CRB1: variants seen among roughly 807,000 people sequenced by gnomAD.
The protein encoded by CRB1 is protein crumbs homolog 1.
CRB1 carries 83 observed loss-of-function variants against 120.0 expected under a neutral mutation model. The observed-to-expected ratio is 0.69, with a 90% CI of 0.58 to 0.83. The LOEUF is 0.83. Ranked by LOEUF, CRB1 falls within the 40% of genes least tolerant of loss-of-function variation. The pLI is 0.00. For missense variants in CRB1, 1,699 were observed against 1,687.6 expected (o/e 1.01, Z -0.12); for synonymous variants, 625 against 612.5 (o/e 1.02, Z -0.30).
chr1:197,296,225 T>C (rs112715795), intron 1 of CRB1, among the ~76,000 whole-genome samples: 20 of 152,202 alleles, frequency 1.3e-4, no homozygotes, highest in African/African-American at 4.3e-4. Flanking sequence ...AGAGCCAGAC[T>C]GCAGGCCTTG....
chr1:197,344,233 A>C (rs376777784), intron 2 of CRB1, 48 bp from the exon 3 acceptor site: 2 of 1,568,170 alleles, frequency 1.3e-6, no homozygotes, highest in South Asian at 1.1e-5. Context: ...AATTATGAAC[A>C]CTTTGCTAAA....
chr1:197,255,453 C>A, the CRB1 span, among the ~76,000 whole-genome samples: 1 of 151,920 alleles, frequency 6.6e-6, no homozygotes, highest in African/African-American at 2.4e-5. Flanking sequence ...TACTTGCAGT[C>A]CAAGAACTCT....
chr1:197,410,777 C>T (rs1663669836), intron 5 of CRB1, among the ~76,000 whole-genome samples: 1 of 152,124 alleles, frequency 6.6e-6, no homozygotes, highest in Admixed American at 6.5e-5. Flanking sequence ...CACTAGAGGC[C>T]ATTGAAATAC....
chr1:197,437,265 G>A (rs559796618), intron 9 of CRB1, among the ~76,000 whole-genome samples: 2 of 152,192 alleles, frequency 1.3e-5, no homozygotes, highest in South Asian at 4.2e-4. Flanking sequence ...ATACCTATAA[G>A]AAGTTGTACA....
intron 5 of CRB1, among the ~76,000 whole-genome samples, chr1:197,400,921 A>G (rs1663034182): frequency 1.3e-5 from 2 of 152,086 alleles, no homozygotes; most frequent in South Asian, 2.1e-4. Flanking sequence ...TAGTATATCT[A>G]TTCTGCTTTC....
At chr1:197,224,135 A>C in the CRB1 span, among the ~76,000 whole-genome samples, 1 of 152,126 alleles carries the variant, frequency 6.6e-6, no homozygotes, top group African/African-American at 2.4e-5. Flanking sequence ...TCTTGTACCG[A>C]AAAAATTTTT....
chr1:197,208,020 T>C, the CRB1 span, among the ~76,000 whole-genome samples: 1 of 152,154 alleles, frequency 6.6e-6, no homozygotes. Flanking sequence ...GCTGAGATTT[T>C]CCAGTGTATT....
the CRB1 span, chr1:197,222,090 T>G: frequency 4.3e-6 from 1 of 233,140 alleles, no homozygotes; most frequent in South Asian, 7.1e-5. Context: ...ATATATTCCT[T>G]TAGGCGATGA....
chr1:197,212,571 C>A, the CRB1 span, among the ~76,000 whole-genome samples: 6 of 151,998 alleles, frequency 3.9e-5, no homozygotes, highest in East Asian at 7.7e-4. Flanking sequence ...TAACAGAAAG[C>A]CAATCAGTTT....
intron 11 of CRB1, among the ~76,000 whole-genome samples, chr1:197,460,001 C>CTTTTTTTTTTTTTTTTTTTT (rs10679172): frequency 1.3e-5 from 1 of 75,612 alleles, no homozygotes; most frequent in African/African-American, 4.4e-5. Flanking sequence ...AAGCCCCCCT[C>CTTTTTTTTTTTTTTTTTTTT]TTTTTTTTTT....
chr1:197,389,650 C>T (rs1317943663), intron 5 of CRB1, among the ~76,000 whole-genome samples: 1 of 151,904 alleles, frequency 6.6e-6, no homozygotes, highest in Admixed American at 6.6e-5. Context: ...TAGTTAATGC[C>T]ACAGAACTCT....
At chr1:197,429,774 C>A (rs2125489671) in intron 8 of CRB1, among the ~76,000 whole-genome samples, 160 bp downstream of exon 8, 1 of 152,276 alleles carries the variant, frequency 6.6e-6, no homozygotes, top group South Asian at 2.1e-4. Flanking sequence ...GGCCTCTTGC[C>A]TCATCCTGCC....
chr1:197,258,637 C>G, the CRB1 span, among the ~76,000 whole-genome samples: 1 of 152,128 alleles, frequency 6.6e-6, no homozygotes, highest in Non-Finnish European at 1.5e-5. Context: ...GGTTATTTCT[C>G]TTAAATCTCT....
chr1:197,429,940 C>T (rs191244163), intron 8 of CRB1, among the ~76,000 whole-genome samples: 39 of 152,310 alleles, frequency 2.6e-4, no homozygotes, highest in African/African-American at 9.1e-4. Context: ...GTGCATGTTA[C>T]GCATTGCCAT....
chr1:197,448,891 G>A (rs1024653764), intron 11 of CRB1, among the ~76,000 whole-genome samples: 5 of 152,192 alleles, frequency 3.3e-5, no homozygotes, highest in East Asian at 1.9e-4. Flanking sequence ...ACAAATGTCT[G>A]TAAAAGAATG....
At chr1:197,256,671 A>G in the CRB1 span, among the ~76,000 whole-genome samples, 2 of 152,158 alleles carry the variant, frequency 1.3e-5, no homozygotes, top group Non-Finnish European at 2.9e-5. Context: ...CTTTCTCTGA[A>G]CAGCAGAAAA....
rs1016155794 is a variant in CRB1 at position 197,317,843 on chromosome 1, A to T, written c.71-10579A>T. On this transcript the variant is annotated intron_variant, in intron 1 of 11. Coordinates refer to ENST00000367400, the MANE Select transcript of CRB1 (RefSeq NM_201253.3). The stretch of plus-strand genomic sequence containing the variant: ...TATCTCTCACCATATACAAAAATCA[A>T]CTCAAAATTGATTAAAGACTTAAAC... Among the ~76,000 whole-genome samples the T allele has an allele frequency of 4.6e-5, 7 of 152,190 alleles. 1 individual carries two copies. Among genetic ancestry groups the T allele is most frequent in the Non-Finnish European group, 4.4e-5 (3 of 68,036 alleles).
chr1:197,235,746 G>C, the CRB1 span, among the ~76,000 whole-genome samples: 1 of 152,350 alleles, frequency 6.6e-6, no homozygotes, highest in East Asian at 1.9e-4. Flanking sequence ...TAAGGAGCAA[G>C]AGTGAGCTGA....
rs1326237908 is a variant in CRB1, at chr1:197,421,951, T to A, written c.2123T>A (p.Leu708Gln). The change falls in exon 6 of 12, where the codon CTG (leucine) becomes CAG (glutamine). Residue 708 changes from leucine to glutamine, a missense_variant. Coordinates refer to ENST00000367400, the MANE Select transcript of CRB1 (RefSeq NM_201253.3). ...AGGCCCTATGAAGGCCCCAACTGTC[T>A]GAGAGGTGAGAGAAAGCTGAGTGCT... ...CHRPYEGPNC[L>Q]REYVAGRFGQ... The A allele has an allele frequency of 1.9e-6, 3 of 1,613,492 alleles. No individual in the cohort carries two copies. The highest frequency in any genetic ancestry group is 2.5e-6 in the Non-Finnish European group (3 of 1,179,994).
Sources: gnomAD v4.1 joint callset for allele counts (sites outside exome capture counted in the v4.1 genomes callset) on GRCh38, gnomAD v4.1.1 for gene constraint, MANE v1.5 for transcripts, NCBI Gene and HGNC (gene_info 2026-07-23, HGNC 2026-07-21) for gene names.